The following IGSF5 variants were observed in gnomAD, a reference collection of about 807,000 sequenced individuals.
IGSF5 encodes the protein immunoglobulin superfamily member 5, also known as immunoglobulin superfamily 5 like.
IGSF5 carries 41 observed loss-of-function variants against 39.4 expected under a neutral mutation model. That is an observed-to-expected ratio of 1.04 (90% CI 0.81 to 1.35). The LOEUF is 1.35. Ranked by LOEUF, IGSF5 falls within the 40% of genes most tolerant of loss-of-function variation. The pLI is 0.00. For synonymous variants in IGSF5, 183 were observed against 175.3 expected, an observed-to-expected ratio of 1.04 and a Z score of -0.34; for missense variants, 487 against 494.6, an observed-to-expected ratio of 0.98 and a Z score of 0.15.
At chr21:39,800,589 G>A (rs465958) in intron 8 of IGSF5, among the ~76,000 whole-genome samples, 65,086 of 152,138 alleles carry the variant, frequency 0.43, 14,523 homozygotes, top group Non-Finnish European at 0.51. Context: ...CTCAAGACTT[G>A]CTAGCATTCC....
At chr21:39,773,863 C>T (rs543354751) in intron 4 of IGSF5, among the ~76,000 whole-genome samples, 26 of 152,294 alleles carry the variant, frequency 1.7e-4, no homozygotes, top group African/African-American at 5.1e-4. Context: ...AACGAGGTAA[C>T]GATGCAGCAG....
chr21:39,773,453 G>C (rs927314782), intron 4 of IGSF5, among the ~76,000 whole-genome samples: 3 of 150,914 alleles, frequency 2.0e-5, no homozygotes, highest in Admixed American at 1.3e-4. Flanking sequence ...TTAAACAAAA[G>C]ACTTCCCTCC....
chr21:39,781,700 CA>C (rs1485794609), intron 5 of IGSF5, among the ~76,000 whole-genome samples: 1 of 152,140 alleles, frequency 6.6e-6, no homozygotes, highest in African/African-American at 2.4e-5. Context: ...GGTATCTCAG[CA>C]TAGTTTTGAT....
At chr21:39,724,853 A>C in the IGSF5 span, among the ~76,000 whole-genome samples, 1 of 152,224 alleles carries the variant, frequency 6.6e-6, no homozygotes, top group Non-Finnish European at 1.5e-5. Flanking sequence ...AAAGGAGTCT[A>C]GGCCTGTACA....
chr21:39,757,098 G>C (rs1460348506), intron 2 of IGSF5, among the ~76,000 whole-genome samples: 1 of 151,642 alleles, frequency 6.6e-6, no homozygotes, highest in Non-Finnish European at 1.5e-5. Context: ...TCTTCCTGCA[G>C]GTGTCCAATG....
chr21:39,721,949 A>T, the IGSF5 span, among the ~76,000 whole-genome samples: 6 of 152,164 alleles, frequency 3.9e-5, no homozygotes, highest in Non-Finnish European at 8.8e-5. Context: ...AAATATTTTC[A>T]GCTTTGTGGT....
chr21:39,756,283 G>A (rs2080030342), intron 2 of IGSF5, among the ~76,000 whole-genome samples: 1 of 152,244 alleles, frequency 6.6e-6, no homozygotes, highest in Non-Finnish European at 1.5e-5. Context: ...ATGGGCCTGA[G>A]AATCTTTGCT....
At position 39,801,472 on chromosome 21, in the gene IGSF5, G is replaced by A; in HGVS notation, c.*115G>A. On this transcript the variant is annotated 3_prime_UTR_variant, in exon 9 of 9. Transcript: ENST00000380588. ...CAGCTTTGCCAACATTACCTGAAGA[G>A]GAGATGTCGGAGTCATCAGAACTGA... 2.9e-6 allele frequency: 2 copies of A among 687,948 alleles called. No individual in the cohort carries two copies. The highest frequency in any genetic ancestry group is 5.4e-5 in the East Asian group (2 of 36,878). The allele number at this position is 687,948 out of a possible 1,614,324, so 42.6% of individuals were successfully genotyped here. A position where few individuals can be genotyped will look rare whatever the true frequency, so the allele number is the denominator to read the frequency against.
chr21:39,734,496 A>T, the IGSF5 span, among the ~76,000 whole-genome samples: 2 of 151,040 alleles, frequency 1.3e-5, no homozygotes, highest in Admixed American at 1.3e-4. Context: ...TTATAATATC[A>T]TACAGAATAG....
At chr21:39,788,062 T>C in intron 5 of IGSF5, 105 bp from the exon 6 acceptor site, 1 of 812,176 alleles carries the variant, frequency 1.2e-6, no homozygotes, top group South Asian at 1.7e-5. Flanking sequence ...TCACAAATAC[T>C]AATGTTGGGT....
Position 39,801,935 on chromosome 21 carries a change from C to T in IGSF5, c.*578C>T, listed in dbSNP as rs770785975. 3 of 152,586 alleles carry T rather than the reference C, an allele frequency of 2.0e-5. No homozygotes were observed. The highest frequency in any genetic ancestry group is 3.4e-3 in the Middle Eastern group (1 of 292). The allele number at this position is 152,586 out of a possible 1,614,324, so 9.5% of individuals were successfully genotyped here. A position where few individuals can be genotyped will look rare whatever the true frequency, so the allele number is the denominator to read the frequency against. The stretch of plus-strand genomic sequence containing the variant: ...ACATGAAGGCATTCATTTTTATCTG[C>T]CCCTTTATCAGACCTATTTGCATCT... On this transcript the variant is annotated 3_prime_UTR_variant, in exon 9 of 9. Transcript: ENST00000380588.
At chr21:39,747,539 A>G (rs431767) in intron 2 of IGSF5, among the ~76,000 whole-genome samples, 124,507 of 152,180 alleles carry the variant, frequency 0.82, 51,125 homozygotes, top group Admixed American at 0.86. Context: ...TAATGAATTA[A>G]TTACTTAGGA....
intron 4 of IGSF5, among the ~76,000 whole-genome samples, chr21:39,775,769 C>T (rs956513976): frequency 6.6e-6 from 1 of 152,184 alleles, no homozygotes; most frequent in Admixed American, 6.6e-5. Context: ...GCAAACCTGC[C>T]ATTCACCTGA....
intron 2 of IGSF5, 67 bp from the exon 3 acceptor site, chr21:39,765,468 T>A: frequency 1.4e-6 from 2 of 1,453,340 alleles, no homozygotes; most frequent in Non-Finnish European, 1.9e-6. Flanking sequence ...TACAGAAAGG[T>A]TACAGCACAC....
At chr21:39,800,851 T>TG (rs2087024693) in intron 8 of IGSF5, among the ~76,000 whole-genome samples, 1 of 152,260 alleles carries the variant, frequency 6.6e-6, no homozygotes, top group Admixed American at 6.5e-5. Context: ...GACAGGTGGG[T>TG]GATCTATCTG....
At chr21:39,748,492 G>A (rs2079987370) in intron 2 of IGSF5, among the ~76,000 whole-genome samples, 1 of 151,710 alleles carries the variant, frequency 6.6e-6, no homozygotes, top group Non-Finnish European at 1.5e-5. Flanking sequence ...TGTGTTATTA[G>A]TAGAGACAGG....
chr21:39,753,204 A>G (rs978391838), intron 2 of IGSF5, among the ~76,000 whole-genome samples: 18 of 152,088 alleles, frequency 1.2e-4, no homozygotes, highest in Admixed American at 1.1e-3. Flanking sequence ...TCATTCTTCT[A>G]TGTGTGGCTT....
At chr21:39,732,643 T>G in the IGSF5 span, among the ~76,000 whole-genome samples, 3 of 152,246 alleles carry the variant, frequency 2.0e-5, no homozygotes. Flanking sequence ...GGCATAGTTC[T>G]GGAAACTAAT....
chr21:39,726,164 T>C, the IGSF5 span: 1 of 152,310 alleles, frequency 6.6e-6, no homozygotes, highest in Non-Finnish European at 1.5e-5. Flanking sequence ...TCACCTCTCA[T>C]GGGCAGGGTG....
Sources: gnomAD v4.1 joint callset for allele counts (sites outside exome capture counted in the v4.1 genomes callset) on GRCh38, gnomAD v4.1.1 for gene constraint, MANE v1.5 for transcripts, NCBI Gene and HGNC (gene_info 2026-07-23, HGNC 2026-07-21) for gene names.